The following WIPF3 variants were observed in gnomAD, a reference collection of about 807,000 sequenced individuals.
The protein encoded by WIPF3 is WAS/WASL interacting protein family member 3.
Under a neutral mutation model 38.9 loss-of-function variants are expected in WIPF3, and 33 were observed. The observed-to-expected ratio is 0.85, with a 90% CI of 0.64 to 1.14. WIPF3 has a LOEUF of 1.14. WIPF3 is among the 50% of genes most tolerant of loss of function. WIPF3 has a pLI of 0.00. For synonymous variants in WIPF3, 324 were observed against 269.3 expected (o/e 1.20, Z -1.99); for missense variants, 711 against 652.5 (o/e 1.09, Z -0.98).
At position 29,854,651 on chromosome 7, in the gene WIPF3, T is replaced by A. The variant is rs562622091; in HGVS notation, c.90+19837T>A. On this transcript the variant is annotated intron_variant, in intron 2 of 8. Transcript: ENST00000242140. ...ACAATTACCACGTTTCTTTGATAAA[T>A]GTCAGAGGCACCCAGTAGAGGGAGA... Among the ~76,000 whole-genome samples the A allele has an allele frequency of 1.1e-4, 16 of 152,278 alleles. No homozygotes were observed. The East Asian group carries it at 2.7e-3, about 26-fold the overall frequency.
intron 2 of WIPF3, among the ~76,000 whole-genome samples, chr7:29,839,599 G>A (rs1784883323): frequency 6.6e-6 from 1 of 152,140 alleles, no homozygotes; most frequent in African/African-American, 2.4e-5. Context: ...CAGAATGTGG[G>A]ACCTTCTGCA....
At chr7:29,890,043 C>A (rs1258943099) in intron 7 of WIPF3, among the ~76,000 whole-genome samples, 1 of 152,172 alleles carries the variant, frequency 6.6e-6, no homozygotes, top group South Asian at 2.1e-4. Context: ...GGACATTTAA[C>A]CCAGCTTAAC....
chr7:29,840,685 A>G (rs1784899282), intron 2 of WIPF3, among the ~76,000 whole-genome samples: 1 of 152,262 alleles, frequency 6.6e-6, no homozygotes, highest in Non-Finnish European at 1.5e-5. Context: ...ATGGTAAGAA[A>G]GACTTTGTTT....
rs775906507 is a variant in WIPF3, at chr7:29,889,314, G to A, written c.1258G>A (p.Glu420Lys). The A allele has an allele frequency of 6.2e-6, 10 of 1,613,602 alleles. No homozygotes were observed. The highest frequency in any genetic ancestry group is 5.0e-5 in the Admixed American group (3 of 59,998). Residue 420 changes from glutamate to lysine, a missense_variant, in exon 7 of 9, where the codon GAG (glutamate) becomes AAG (lysine). Physicochemically the swap from Glu to Lys is moderately conservative, Grantham distance 56 (BLOSUM62 1). Coordinates refer to ENST00000242140, the MANE Select transcript of WIPF3 (RefSeq NM_001080529.3). ...ATTTCGCTTGTGTGCAGATGACTTC[G>A]AGTCTAAATTCACGTTCCATTCTGT... is the stretch of plus-strand genomic sequence containing the variant. ...NGSLHIIDDF[E>K]SKFTFHSVED...
chr7:29,847,862 G>A (rs1304371934), intron 2 of WIPF3, among the ~76,000 whole-genome samples: 1 of 152,212 alleles, frequency 6.6e-6, no homozygotes, highest in Non-Finnish European at 1.5e-5. Context: ...GGGGAAGAGG[G>A]GTTCTAGTTT....
chr7:29,859,490 C>CTTTGT (rs899746179), intron 2 of WIPF3, among the ~76,000 whole-genome samples: 11 of 152,168 alleles, frequency 7.2e-5, no homozygotes, highest in African/African-American at 2.2e-4. Flanking sequence ...TTTGGGGTTT[C>CTTTGT]TTTGTTTTGT....
chr7:29,869,972 T>C (rs1461647699), intron 2 of WIPF3, among the ~76,000 whole-genome samples: 1 of 152,066 alleles, frequency 6.6e-6, no homozygotes, highest in Admixed American at 6.6e-5. Flanking sequence ...TTCCACTGGG[T>C]GAGATGGAAA....
chr7:29,854,266 C>A (rs1465066108), intron 2 of WIPF3, among the ~76,000 whole-genome samples: 1 of 152,202 alleles, frequency 6.6e-6, no homozygotes, highest in East Asian at 1.9e-4. Context: ...ACAAAAGATG[C>A]ACTTCTCCCA....
At chr7:29,879,563 C>T (rs927792023) in intron 4 of WIPF3, among the ~76,000 whole-genome samples, 7 of 152,156 alleles carry the variant, frequency 4.6e-5, no homozygotes, top group African/African-American at 1.2e-4. Flanking sequence ...AACGAAACAC[C>T]CTAAAACTTA....
chr7:29,818,957 C>G (rs1784497070), intron 1 of WIPF3, among the ~76,000 whole-genome samples: 1 of 152,168 alleles, frequency 6.6e-6, no homozygotes, highest in Admixed American at 6.5e-5. Context: ...CATTTAAACC[C>G]TACTTGGTTG....
At chr7:29,861,226 A>G (rs1458700068) in intron 2 of WIPF3, among the ~76,000 whole-genome samples, 1 of 152,110 alleles carries the variant, frequency 6.6e-6, no homozygotes, top group East Asian at 1.9e-4. Flanking sequence ...TTCTCAGTGA[A>G]TGTTTGTTTG....
intron 2 of WIPF3, among the ~76,000 whole-genome samples, chr7:29,841,246 TG>T (rs1442992560): frequency 6.6e-6 from 1 of 152,232 alleles, no homozygotes; most frequent in Non-Finnish European, 1.5e-5. Flanking sequence ...CTGGAAGACC[TG>T]GGGAGTAGGT....
At chr7:29,869,561 GTC>G (rs1174884767) in intron 2 of WIPF3, among the ~76,000 whole-genome samples, 2 of 152,106 alleles carry the variant, frequency 1.3e-5, no homozygotes, top group East Asian at 1.9e-4. Context: ...TATGTTTAAT[GTC>G]CTTTTGAATT....
chr7:29,821,813 C>T (rs1213523971), intron 1 of WIPF3, among the ~76,000 whole-genome samples: 2 of 152,140 alleles, frequency 1.3e-5, no homozygotes, highest in East Asian at 3.9e-4. Context: ...TTTCTCAATC[C>T]TCCATGGTAC....
intron 2 of WIPF3, among the ~76,000 whole-genome samples, chr7:29,838,454 G>A (rs1784854247): frequency 2.0e-5 from 3 of 152,034 alleles, no homozygotes; most frequent in Admixed American, 2.0e-4. Context: ...AGTATTACTT[G>A]TAATAATAAC....
chr7:29,888,053 C>T lies in WIPF3; in HGVS notation c.1100-15C>T. ...CCATCCGTGTTTCTGAGTACACCAT[C>T]ATCTTCTCTGTAAGGGGCCGGTGGG... On this transcript the variant is annotated splice_polypyrimidine_tract_variant and intron_variant, in intron 5 of 8. Transcript: ENST00000242140. 1 of 1,613,828 alleles carries T rather than the reference C, an allele frequency of 6.2e-7. No homozygotes were observed. The highest frequency in any genetic ancestry group is 8.5e-7 in the Non-Finnish European group (1 of 1,179,780).
At chr7:29,835,735 G>A (rs1411749467) in intron 2 of WIPF3, among the ~76,000 whole-genome samples, 1 of 152,142 alleles carries the variant, frequency 6.6e-6, no homozygotes, top group East Asian at 1.9e-4. Context: ...TCTCGCATCC[G>A]CTCCGCAGCT....
intron 2 of WIPF3, among the ~76,000 whole-genome samples, chr7:29,837,985 C>T (rs924629925): frequency 6.6e-6 from 1 of 152,338 alleles, no homozygotes; most frequent in East Asian, 1.9e-4. Flanking sequence ...GTGGCACTAT[C>T]TCGGCTCACT....
intron 4 of WIPF3, among the ~76,000 whole-genome samples, chr7:29,880,026 C>T (rs1331726074): frequency 6.6e-6 from 1 of 152,132 alleles, no homozygotes; most frequent in Non-Finnish European, 1.5e-5. Flanking sequence ...TGGAATCAAG[C>T]ATAAGTGGGT....
Sources: gnomAD v4.1 joint callset for allele counts (sites outside exome capture counted in the v4.1 genomes callset) on GRCh38, gnomAD v4.1.1 for gene constraint, MANE v1.5 for transcripts, NCBI Gene and HGNC (gene_info 2026-07-23, HGNC 2026-07-21) for gene names.